The following ORMDL3 variants were observed in gnomAD, a reference collection of about 807,000 sequenced individuals.
ORMDL3 encodes ORMDL sphingolipid biosynthesis regulator 3, also known as ORM1-like protein 3.
Under a neutral mutation model 12.6 loss-of-function variants are expected in ORMDL3, and 6 were observed. That is an observed-to-expected ratio of 0.48 (90% CI 0.26 to 0.94). ORMDL3 has a LOEUF of 0.94. ORMDL3 is among the 40% of genes least tolerant of loss of function. The pLI is 0.14. For missense variants in ORMDL3, 159 were observed against 205.5 expected (o/e 0.77, Z 1.38); for synonymous variants, 99 against 87.2 (o/e 1.14, Z -0.75).
At chr17:39,926,879 T>G in intron 1 of ORMDL3, 3 of 985,624 alleles carry the variant, frequency 3.0e-6, no homozygotes, top group Non-Finnish European at 3.6e-6. Context: ...CAACGGGGAG[T>G]CCGGGGCAGC....
chr17:39,927,581 G>A lies in ORMDL3; in HGVS notation c.-120C>T, dbSNP rs553558653. 5.5e-5 allele frequency: 54 copies of A among 985,668 alleles called. No individual in the cohort carries two copies. The African/African-American group carries it at 9.1e-4, about 17-fold the overall frequency. The allele number at this position is 985,668 out of a possible 1,614,324, so 61.1% of individuals were successfully genotyped here. A position where few individuals can be genotyped will look rare whatever the true frequency, so the allele number is the denominator to read the frequency against. ...AACAACCCGCGGCTGCAGCCTCCCC[G>A]CTGGCAGCTCCGGCCGAATCAGCGC... On this transcript the variant is annotated 5_prime_UTR_variant, in exon 1 of 4. Transcript: ENST00000304046.
chr17:39,923,975 G>A (rs142463900), intron 2 of ORMDL3, 55 bp downstream of exon 2: 60 of 1,505,332 alleles, frequency 4.0e-5, no homozygotes, highest in South Asian at 7.8e-5. Flanking sequence ...CCCTGCCAAA[G>A]GGCAGCCCAC....
chr17:39,927,130 TC>T, intron 1 of ORMDL3: 1 of 521,234 alleles, frequency 1.9e-6, no homozygotes, highest in Non-Finnish European at 2.5e-6. Flanking sequence ...CCCGCTCTGT[TC>T]CCCAGCCTGG....
At chr17:39,926,736 G>A (rs1439885635) in intron 1 of ORMDL3, 2 of 959,628 alleles carry the variant, frequency 2.1e-6, no homozygotes, top group Non-Finnish European at 2.5e-6. Flanking sequence ...TCAAGCCAAG[G>A]CTGAGCACCA....
chr17:39,923,916 A>G (rs1978318916), intron 2 of ORMDL3, 114 bp downstream of exon 2: 2 of 1,123,396 alleles, frequency 1.8e-6, no homozygotes, highest in Non-Finnish European at 2.5e-6. Flanking sequence ...TCGTCAGTAC[A>G]TCACCCTGAC....
At position 39,922,704 on chromosome 17, in the gene ORMDL3, G is replaced by A. The variant is rs1978305862; in HGVS notation, c.327-19C>T. 6.2e-7 allele frequency: 1 copy of A among 1,611,698 alleles called. No homozygotes were observed. The highest frequency in any genetic ancestry group is 2.2e-5 in the East Asian group (1 of 44,842). On this transcript the variant is annotated intron_variant, in intron 3 of 3. Transcript: ENST00000304046. ...GAAGTACCTGGGAGGGGAAGGGTGGGGAGAGATATAAAAGACTGTTGGGAG... is the reference window on the plus strand; with the variant it reads ...GAAGTACCTGGGAGGGGAAGGGTGGAGAGAGATATAAAAGACTGTTGGGAG...
rs1978304874 is a variant in ORMDL3, at chr17:39,922,624, A to C, written c.388T>G (p.Ser130Ala). The change falls in exon 4 of 4, where the codon TCC (serine) becomes GCC (alanine). Residue 130 changes from serine to alanine, a missense_variant. Physicochemically the swap from Ser to Ala is moderately conservative, Grantham distance 99 (BLOSUM62 1). Coordinates refer to ENST00000304046, the MANE Select transcript of ORMDL3 (RefSeq NM_139280.4). Reference protein sequence around the residue: ...DQIHFVLNTVSLMSVLIPKLP... With the variant: ...DQIHFVLNTVALMSVLIPKLP... ...TTGGGGATAAGCACGCTCATCAGGG[A>C]CACGGTGTTGAGCACAAAATGGATC... 6.2e-7 allele frequency: 1 copy of C among 1,613,842 alleles called. No individual in the cohort carries two copies. Among genetic ancestry groups the C allele is most frequent in the African/African-American group, 1.3e-5 (1 of 74,932 alleles).
chr17:39,927,113 G>A (rs1020990358), intron 1 of ORMDL3: 15 of 656,794 alleles, frequency 2.3e-5, no homozygotes, highest in African/African-American at 3.9e-5. Flanking sequence ...GGGCCGGGGG[G>A]AGGGGTCCCG....
At chr17:39,923,830 G>A (rs984732856) in intron 2 of ORMDL3, among the ~76,000 whole-genome samples, 200 bp downstream of exon 2, 2 of 152,056 alleles carry the variant, frequency 1.3e-5, no homozygotes, top group African/African-American at 4.8e-5. Flanking sequence ...TTCCTGTCAT[G>A]GTACACAGGG....
intron 1 of ORMDL3, chr17:39,927,238 C>T: frequency 5.0e-6 from 1 of 201,982 alleles, no homozygotes; most frequent in Non-Finnish European, 8.8e-6. Context: ...TCCCCGAAGC[C>T]GAGCCGCTCC....
In ORMDL3 at chr17:39,921,523, T is replaced by G. The variant is rs971083692; in HGVS notation, c.*1027A>C. The G allele has an allele frequency of 5.2e-5, 8 of 152,406 alleles. No individual in the cohort carries two copies. The highest frequency in any genetic ancestry group is 1.0e-4 in the Non-Finnish European group (7 of 68,112). The allele number at this position is 152,406 out of a possible 1,614,324, so 9.4% of individuals were successfully genotyped here. ...ATGAGGAAGTTAAGGGGTGAGGGCC[T>G]GCAGAGGACCACAGCACCCATCGTT... On this transcript the variant is annotated 3_prime_UTR_variant, in exon 4 of 4. Coordinates refer to ENST00000304046, the MANE Select transcript of ORMDL3 (RefSeq NM_139280.4).
intron 1 of ORMDL3, chr17:39,926,882 G>A: frequency 3.0e-6 from 3 of 986,174 alleles, no homozygotes; most frequent in Non-Finnish European, 3.6e-6. Flanking sequence ...CGGGGAGTCC[G>A]GGGCAGCACG....
chr17:39,922,968 C>T, intron 3 of ORMDL3, 144 bp downstream of exon 3: 1 of 1,174,362 alleles, frequency 8.5e-7, no homozygotes, highest in Non-Finnish European at 1.2e-6. Flanking sequence ...AGCCTGAGTC[C>T]AGTGTAAGAC....
rs185421108 is a variant in ORMDL3 at position 39,924,568 on chromosome 17, C to A, written c.-22-343G>T. ...ACCCCCTATGGCACTCCCATGAGGA[C>A]CCTCTGCCGACAAAGCCCCAGGGAG... On this transcript the variant is annotated intron_variant, in intron 1 of 3. Transcript: ENST00000304046. Among the ~76,000 whole-genome samples the A allele has an allele frequency of 7.2e-5, 11 of 152,310 alleles. No individual in the cohort carries two copies. The East Asian group carries it at 1.9e-3, about 27-fold the overall frequency.
chr17:39,924,455 G>A (rs1388680525), intron 1 of ORMDL3, among the ~76,000 whole-genome samples: 3 of 152,184 alleles, frequency 2.0e-5, no homozygotes, highest in African/African-American at 7.2e-5. Flanking sequence ...ATCCCATTGG[G>A]ACAGGGCCCT....
In ORMDL3 at chr17:39,922,118, A is replaced by C; in HGVS notation, c.*432T>G. 6.4e-6 allele frequency: 1 copy of C among 155,964 alleles called. No homozygotes were observed. Among genetic ancestry groups the C allele is most frequent in the Non-Finnish European group, 1.4e-5 (1 of 70,244 alleles). 9.7% of individuals were successfully genotyped at this position (155,964 alleles called of 1,614,324 possible). On this transcript the variant is annotated 3_prime_UTR_variant, in exon 4 of 4. Transcript: ENST00000304046. ...TGCGTGGCATCGAAAAAACCTAGGAATCACAGTGAAACAATCCAGAAGCCG... is the reference window on the plus strand; with the variant it reads ...TGCGTGGCATCGAAAAAACCTAGGACTCACAGTGAAACAATCCAGAAGCCG...
chr17:39,923,242 T>C lies in ORMDL3; in HGVS notation c.196A>G (p.Thr66Ala), dbSNP rs768390435. The change falls in exon 3 of 4, where the codon ACG (threonine) becomes GCG (alanine). Residue 66 changes from threonine (T) to alanine (A), a missense_variant. Coordinates refer to ENST00000304046, the MANE Select transcript of ORMDL3 (RefSeq NM_139280.4). The stretch of plus-strand genomic sequence containing the variant: ...GTCTCAAAGGGTGTCCCCTTCACCG[T>C]GTGCAGGAAGATATACATGCCCTGG... ...HNMGMYIFLH[T>A]VKGTPFETPD... is the part of the protein sequence containing the mutation. The C allele has an allele frequency of 1.5e-5, 25 of 1,614,046 alleles. No individual in the cohort carries two copies. The highest frequency in any genetic ancestry group is 1.6e-4 in the Middle Eastern group (1 of 6,084).
Position 39,922,553 on chromosome 17 carries a change from G to A in ORMDL3, c.459C>T (p.Tyr153=), listed in dbSNP as rs755926248. 1.9e-6 allele frequency: 3 copies of A among 1,613,840 alleles called. No homozygotes were observed. Among genetic ancestry groups the A allele is most frequent in the Admixed American group, 1.7e-5 (1 of 59,998 alleles). ...GGCAGGGGAAGGGGCTGCACTCTCA[G>A]TACTTATTGATTCCAAAAATCCGGA... ...HGVRIFGINK[Y] The change falls in exon 4 of 4, where the codon TAC becomes TAT. Residue 153 remains tyrosine (Y), a synonymous_variant. Coordinates refer to ENST00000304046, the MANE Select transcript of ORMDL3 (RefSeq NM_139280.4).
At chr17:39,927,106 C>CCG in intron 1 of ORMDL3, 1 of 737,392 alleles carries the variant, frequency 1.4e-6, no homozygotes, top group Non-Finnish European at 1.7e-6. Context: ...GGGTGCGGGG[C>CCG]CGGGGGGAGG....
Sources: gnomAD v4.1 joint callset for allele counts (sites outside exome capture counted in the v4.1 genomes callset) on GRCh38, gnomAD v4.1.1 for gene constraint, MANE v1.5 for transcripts, NCBI Gene and HGNC (gene_info 2026-07-23, HGNC 2026-07-21) for gene names.